Variants in CTNNA2 observed in about 807,000 individuals in gnomAD.
CTNNA2 encodes the protein catenin alpha 2, also known as catenin alpha-2.
Under a neutral mutation model 101.0 loss-of-function variants are expected in CTNNA2, and 42 were observed. That is an observed-to-expected ratio of 0.42 (90% CI 0.32 to 0.54). The LOEUF is 0.54. Ranked by LOEUF, CTNNA2 falls within the 20% of genes least tolerant of loss-of-function variation. CTNNA2 has a pLI of 0.14. For synonymous variants in CTNNA2, 450 were observed against 456.4 expected (o/e 0.99, Z 0.18); for missense variants, 871 against 1,223.1 (o/e 0.71, Z 4.29).
chr2:79,245,555 C>T (rs552334169), intron 2 of CTNNA2, among the ~76,000 whole-genome samples: 1 of 152,308 alleles, frequency 6.6e-6, no homozygotes, highest in South Asian at 2.1e-4. Flanking sequence ...CAGACCCTCC[C>T]AGGAAGCTCT....
intron 7 of CTNNA2, among the ~76,000 whole-genome samples, chr2:80,330,656 C>G (rs942438024): frequency 6.6e-6 from 1 of 152,170 alleles, no homozygotes; most frequent in Non-Finnish European, 1.5e-5. Flanking sequence ...ACTCTATGCT[C>G]TGCTGTGGGT....
At chr2:80,195,054 C>G (rs1706747458) in intron 7 of CTNNA2, among the ~76,000 whole-genome samples, 1 of 152,140 alleles carries the variant, frequency 6.6e-6, no homozygotes, top group South Asian at 2.1e-4. Flanking sequence ...ATCTAGTTTT[C>G]ATTCCTTGCA....
intron 1 of CTNNA2, among the ~76,000 whole-genome samples, chr2:79,576,018 G>C (rs2103860199): frequency 6.6e-6 from 1 of 152,204 alleles, no homozygotes; most frequent in East Asian, 1.9e-4. Flanking sequence ...TTAGGTATCT[G>C]GACTATTTCA....
Position 79,977,222 on chromosome 2 carries a change from G to GCGCACA in CTNNA2, c.1056+67426_1056+67427insGCACAC, listed in dbSNP as rs142876512. ...CACACACGTGCACATGCATATGCAT[G>GCGCACA]CACACACACACACACACACACACAC... On this transcript the variant is annotated intron_variant, in intron 7 of 18. Transcript: ENST00000402739. 4.8e-3 allele frequency among the ~76,000 whole-genome samples: 701 copies of GCGCACA among 144,812 alleles called. 2 individuals are homozygous for GCGCACA. The highest frequency in any genetic ancestry group is 8.3e-3 in the Non-Finnish European group (554 of 66,466).
At chr2:80,635,517 A>T (rs1329328470) in intron 18 of CTNNA2, among the ~76,000 whole-genome samples, 1 of 152,200 alleles carries the variant, frequency 6.6e-6, no homozygotes, top group Non-Finnish European at 1.5e-5. Context: ...ATATAGCTAC[A>T]TATGTGTCTA....
At chr2:79,922,833 C>G (rs957357022) in intron 7 of CTNNA2, among the ~76,000 whole-genome samples, 1 of 152,078 alleles carries the variant, frequency 6.6e-6, no homozygotes, top group African/African-American at 2.4e-5. Flanking sequence ...CAGGTCTTCT[C>G]GTCTCTTTAT....
At chr2:79,360,491 A>G in intron 3 of CTNNA2, among the ~76,000 whole-genome samples, 1 of 152,232 alleles carries the variant, frequency 6.6e-6, no homozygotes, top group East Asian at 1.9e-4. Context: ...TAAGATGTAA[A>G]GAGGCTTGAG....
intron 6 of CTNNA2, among the ~76,000 whole-genome samples, chr2:79,883,462 T>C (rs1055931067): frequency 3.3e-5 from 5 of 152,108 alleles, no homozygotes; most frequent in African/African-American, 4.8e-5. Flanking sequence ...TCCAATGATA[T>C]AACAGTAAAA....
chr2:80,391,569 C>T (rs1210048036), intron 7 of CTNNA2, among the ~76,000 whole-genome samples: 1 of 152,180 alleles, frequency 6.6e-6, no homozygotes, highest in Non-Finnish European at 1.5e-5. Flanking sequence ...CAGAGCTCCA[C>T]ATAGGTGCCC....
At chr2:80,214,894 C>T (rs867159137) in intron 7 of CTNNA2, among the ~76,000 whole-genome samples, 27 of 152,170 alleles carry the variant, frequency 1.8e-4, no homozygotes, top group African/African-American at 6.0e-4. Context: ...TTCAGGTACA[C>T]CAATCAGACG....
chr2:79,531,194 T>A (rs1460990411), intron 1 of CTNNA2, among the ~76,000 whole-genome samples: 1 of 76,880 alleles, frequency 1.3e-5, no homozygotes, highest in Non-Finnish European at 2.5e-5. Context: ...ATAGATACGC[T>A]CATATATATA....
intron 9 of CTNNA2, among the ~76,000 whole-genome samples, chr2:80,523,652 C>T (rs1689770933): frequency 6.6e-6 from 1 of 152,132 alleles, no homozygotes; most frequent in Non-Finnish European, 1.5e-5. Context: ...GTAAGTGGTA[C>T]ATGGACATGC....
chr2:79,618,169 G>T (rs1433203445), intron 1 of CTNNA2, among the ~76,000 whole-genome samples: 1 of 152,338 alleles, frequency 6.6e-6, no homozygotes, highest in East Asian at 1.9e-4. Context: ...GGAGGAAGGG[G>T]TGATGCCCTT....
intron 2 of CTNNA2, among the ~76,000 whole-genome samples, chr2:79,219,567 G>T (rs1674315709): frequency 6.6e-6 from 1 of 152,124 alleles, no homozygotes; most frequent in African/African-American, 2.4e-5. Context: ...TTGTACGCAG[G>T]AATACCGCCA....
chr2:80,152,792 G>T (rs1385242508), intron 7 of CTNNA2, among the ~76,000 whole-genome samples: 1 of 151,972 alleles, frequency 6.6e-6, no homozygotes, highest in Non-Finnish European at 1.5e-5. Context: ...TGGGACATTT[G>T]TATCTGTGCA....
At chr2:79,982,021 A>C (rs1022477307) in intron 7 of CTNNA2, among the ~76,000 whole-genome samples, 12 of 145,332 alleles carry the variant, frequency 8.3e-5, no homozygotes, top group African/African-American at 3.0e-4. Flanking sequence ...TTCTTGGTTC[A>C]TGGTAGTGTT....
At chr2:80,109,933 CT>C (rs1217784983) in intron 7 of CTNNA2, among the ~76,000 whole-genome samples, 1 of 152,106 alleles carries the variant, frequency 6.6e-6, no homozygotes, top group East Asian at 1.9e-4. Context: ...TGTATTAATC[CT>C]TTTTTAATCT....
At chr2:79,479,687 C>T (rs1054203283) in intron 4 of CTNNA2, among the ~76,000 whole-genome samples, 3 of 152,026 alleles carry the variant, frequency 2.0e-5, no homozygotes, top group Non-Finnish European at 4.4e-5. Flanking sequence ...CTTTGGGAGG[C>T]CGAGGCGGGC....
chr2:79,408,447 C>T (rs1377956873), intron 4 of CTNNA2, among the ~76,000 whole-genome samples: 2 of 128,444 alleles, frequency 1.6e-5, no homozygotes, highest in Non-Finnish European at 3.3e-5. Flanking sequence ...AATGCTATCC[C>T]TCCCCCCTCC....
Sources: gnomAD v4.1 joint callset for allele counts (sites outside exome capture counted in the v4.1 genomes callset) on GRCh38, gnomAD v4.1.1 for gene constraint, MANE v1.5 for transcripts, NCBI Gene and HGNC (gene_info 2026-07-23, HGNC 2026-07-21) for gene names.